ADAMTSL3: variants seen among roughly 807,000 people sequenced by gnomAD.
ADAMTSL3 encodes ADAMTS-like protein 3.
Under a neutral mutation model 201.7 loss-of-function variants are expected in ADAMTSL3, and 128 were observed. The observed-to-expected ratio is 0.63, with a 90% CI of 0.55 to 0.73. ADAMTSL3 has a LOEUF of 0.73. Among genes scored for constraint, ADAMTSL3 ranks in the 30% least tolerant of loss-of-function variants. The pLI is 0.00. For synonymous variants in ADAMTSL3, 738 were observed against 748.4 expected, an observed-to-expected ratio of 0.99 and a Z score of 0.23; for missense variants, 1,990 against 2,119.6, an observed-to-expected ratio of 0.94 and a Z score of 1.20.
Position 83,866,390 on chromosome 15 carries a change from A to G in ADAMTSL3, c.803-4412A>G, listed in dbSNP as rs138890580. On this transcript the variant is annotated intron_variant, in intron 8 of 29. Coordinates refer to ENST00000286744, the MANE Select transcript of ADAMTSL3 (RefSeq NM_207517.3). ...TGTAACAATGATAGACTGGATTAAG[A>G]AAATGTGGCACATATACACCATGGA... Among the ~76,000 whole-genome samples, 224 of 152,362 alleles carry G rather than the reference A, an allele frequency of 1.5e-3. 3 individuals carry two copies. The East Asian group carries it at 0.021, about 14-fold the overall frequency.
chr15:83,785,906 C>G (rs142452893), intron 4 of ADAMTSL3, among the ~76,000 whole-genome samples: 30 of 151,706 alleles, frequency 2.0e-4, no homozygotes, highest in African/African-American at 6.3e-4. Flanking sequence ...TACAGTGGTG[C>G]GATCTCAGCT....
chr15:83,881,045 T>C (rs1455324718), intron 9 of ADAMTSL3, among the ~76,000 whole-genome samples: 1 of 152,260 alleles, frequency 6.6e-6, no homozygotes, highest in Admixed American at 6.5e-5. Flanking sequence ...ATTGATACTC[T>C]GTTAAAATCC....
rs1008610467 is a variant in ADAMTSL3, at chr15:83,685,970, G to C, written c.70-18419G>C. Among the ~76,000 whole-genome samples the C allele has an allele frequency of 2.0e-5, 3 of 151,832 alleles. No individual in the cohort carries two copies. In the South Asian group the frequency reaches 6.3e-4, roughly 32 times the overall value. The stretch of plus-strand genomic sequence containing the variant: ...GGTACGTAGAGAAACCCCGCAATGG[G>C]CTCTTTCCAGCCTCTTGCTGGCAGC... On this transcript the variant is annotated intron_variant, in intron 2 of 29. Coordinates refer to ENST00000286744, the MANE Select transcript of ADAMTSL3 (RefSeq NM_207517.3).
At chr15:83,675,324 A>G (rs4335742) in intron 2 of ADAMTSL3, among the ~76,000 whole-genome samples, 8,266 of 152,122 alleles carry the variant, frequency 0.054, 296 homozygotes, top group Non-Finnish European at 0.08. Flanking sequence ...TTTTTAAATC[A>G]TGAATAGGTG....
intron 4 of ADAMTSL3, among the ~76,000 whole-genome samples, chr15:83,781,760 G>A (rs2063173230): frequency 6.6e-6 from 1 of 152,052 alleles, no homozygotes; most frequent in African/African-American, 2.4e-5. Context: ...TTAAAAAGTG[G>A]GCAAAGGACA....
chr15:83,880,786 T>A (rs1414005368), intron 9 of ADAMTSL3, among the ~76,000 whole-genome samples: 1 of 152,226 alleles, frequency 6.6e-6, no homozygotes, highest in Non-Finnish European at 1.5e-5. Context: ...AGGCCCCTCC[T>A]GCGGGGAAAC....
intron 4 of ADAMTSL3, among the ~76,000 whole-genome samples, chr15:83,787,169 G>C (rs2063278327): frequency 6.6e-6 from 1 of 152,146 alleles, no homozygotes; most frequent in Non-Finnish European, 1.5e-5. Context: ...TACTAGGACA[G>C]GGGCGACTCT....
rs3044648 is a variant in ADAMTSL3, at chr15:83,903,242, C to CTTTTTTTTTTT, written c.1700+3516_1700+3526dup. On this transcript the variant is annotated intron_variant, in intron 15 of 29. Transcript: ENST00000286744. ...TTTCTTTTTCTTTCGGCTGCCAGAT[C>CTTTTTTTTTTT]TTTTTTTTTTTTTTTATCATGGTGA... Among the ~76,000 whole-genome samples, 19 of 133,482 alleles carry CTTTTTTTTTTT rather than the reference C, an allele frequency of 1.4e-4. 1 individual carries two copies. Among genetic ancestry groups the CTTTTTTTTTTT allele is most frequent in the East Asian group, 2.3e-4 (1 of 4,438 alleles). The allele number at this position is 133,482 out of a possible 152,430, so 87.6% of individuals were successfully genotyped here.
chr15:83,952,882 T>G (rs998561844), intron 19 of ADAMTSL3, among the ~76,000 whole-genome samples: 4 of 152,140 alleles, frequency 2.6e-5, no homozygotes, highest in African/African-American at 9.7e-5. Flanking sequence ...AACAATGACA[T>G]TCTTTGCCTG....
At position 83,983,102 on chromosome 15, in the gene ADAMTSL3, G is replaced by C. The variant is rs764656445; in HGVS notation, c.3474G>C (p.Val1158=). The C allele has an allele frequency of 1.9e-6, 3 of 1,614,088 alleles. No homozygotes were observed. In the East Asian group the frequency reaches 6.7e-5, roughly 36 times the overall value. The change falls in exon 21 of 30, where the codon GTG becomes GTC. Residue 1158 remains valine (V), a synonymous_variant. Transcript: ENST00000286744. ...AGCTCAGAGGGGAAACAGGGAGTGT[G>C]TCCCAAAGCTCGCATGCAAAAAACT... ...AAQLRGETGS[V]SQSSHAKNSG...
At chr15:84,016,019 C>T (rs1418208499) in intron 24 of ADAMTSL3, among the ~76,000 whole-genome samples, 1 of 152,206 alleles carries the variant, frequency 6.6e-6, no homozygotes. Context: ...GGGAACATTG[C>T]CCGTTCTCTT....
intron 16 of ADAMTSL3, among the ~76,000 whole-genome samples, chr15:83,914,512 G>A (rs1022563082): frequency 1.3e-5 from 2 of 152,208 alleles, no homozygotes; most frequent in African/African-American, 4.8e-5. Flanking sequence ...CCCGGCTAAA[G>A]TGGCATGTGC....
intron 20 of ADAMTSL3, among the ~76,000 whole-genome samples, chr15:83,971,414 G>A (rs2067191371): frequency 6.6e-6 from 1 of 151,680 alleles, no homozygotes; most frequent in Non-Finnish European, 1.5e-5. Flanking sequence ...AAAATTAGCC[G>A]GGCTTGGTGG....
At chr15:83,896,656 A>G (rs1370344369) in intron 13 of ADAMTSL3, among the ~76,000 whole-genome samples, 4 of 152,116 alleles carry the variant, frequency 2.6e-5, no homozygotes, top group Non-Finnish European at 4.4e-5. Flanking sequence ...TGTCTGCTCA[A>G]TATTTCTATA....
chr15:83,696,962 A>G (rs1445359990), intron 2 of ADAMTSL3, among the ~76,000 whole-genome samples: 1 of 152,148 alleles, frequency 6.6e-6, no homozygotes, highest in Non-Finnish European at 1.5e-5. Flanking sequence ...TGTGGGAGAA[A>G]GGCTAGGTCC....
intron 2 of ADAMTSL3, among the ~76,000 whole-genome samples, chr15:83,692,640 C>T (rs532717492): frequency 1.6e-4 from 23 of 147,388 alleles, no homozygotes; most frequent in African/African-American, 4.3e-4. Flanking sequence ...GAGCTGAGAT[C>T]GCGCCACTGC....
intron 7 of ADAMTSL3, among the ~76,000 whole-genome samples, chr15:83,844,132 C>T (rs1374644011): frequency 6.6e-6 from 1 of 152,170 alleles, no homozygotes; most frequent in African/African-American, 2.4e-5. Flanking sequence ...ATCGGCTTGT[C>T]TATTCTAAGC....
intron 7 of ADAMTSL3, among the ~76,000 whole-genome samples, chr15:83,841,732 G>A (rs1038989309): frequency 6.6e-6 from 1 of 151,894 alleles, no homozygotes; most frequent in African/African-American, 2.4e-5. Context: ...ACTGGCCTGG[G>A]TGAGGACAGG....
intron 29 of ADAMTSL3, 120 bp from the exon 30 acceptor site, chr15:84,037,580 C>A: frequency 8.6e-7 from 1 of 1,165,132 alleles, no homozygotes; most frequent in Non-Finnish European, 1.2e-6. Flanking sequence ...GGCCCTAACC[C>A]AAAGCTGGTT....
Sources: allele counts gnomAD v4.1 joint callset (sites outside exome capture counted in the v4.1 genomes callset), GRCh38; gene constraint gnomAD v4.1.1; transcripts MANE v1.5; gene names NCBI Gene and HGNC (gene_info 2026-07-23, HGNC 2026-07-21).